The following MTSS1 variants were observed in gnomAD, a reference collection of about 807,000 sequenced individuals.
MTSS1 encodes the protein MTSS I-BAR domain containing 1, also known as protein MTSS 1.
A neutral mutation model predicts 79.0 loss-of-function variants in MTSS1; 18 were observed. The observed-to-expected ratio is 0.23, with a 90% CI of 0.16 to 0.34. The LOEUF (loss-of-function observed/expected upper bound fraction) is 0.34, where lower values mean the gene tolerates loss of function less well. Among genes scored for constraint, MTSS1 ranks in the 10% least tolerant of loss-of-function variants. MTSS1 has a pLI of 1.00. For synonymous variants in MTSS1, 341 were observed against 368.6 expected, an observed-to-expected ratio of 0.93 and a Z score of 0.86; for missense variants, 815 against 986.2, an observed-to-expected ratio of 0.83 and a Z score of 2.33.
intron 3 of MTSS1, among the ~76,000 whole-genome samples, chr8:124,602,207 A>ACACACACACACACACATATATATAT: frequency 2.1e-5 from 3 of 142,234 alleles, no homozygotes; most frequent in Admixed American, 6.9e-5. Flanking sequence ...ATATATATAT[A>ACACACACACACACACATATATATAT]ATTTTTTTTT....
At chr8:124,698,577 T>C (rs1264790292) in intron 3 of MTSS1, among the ~76,000 whole-genome samples, 3 of 149,746 alleles carry the variant, frequency 2.0e-5, no homozygotes, top group Non-Finnish European at 3.0e-5. Flanking sequence ...AGTGGCGCGA[T>C]CTGGGCTCAC....
intron 1 of MTSS1, among the ~76,000 whole-genome samples, chr8:124,716,044 G>A (rs910087976): frequency 2.0e-5 from 3 of 152,206 alleles, no homozygotes; most frequent in Non-Finnish European, 2.9e-5. Flanking sequence ...ACTGGGCCAT[G>A]AATGGGCACC....
chr8:124,670,665 C>T (rs1823986412), intron 3 of MTSS1, among the ~76,000 whole-genome samples: 1 of 152,318 alleles, frequency 6.6e-6, no homozygotes, highest in Middle Eastern at 3.4e-3. Flanking sequence ...CAAGAGCTTT[C>T]ATAACATCAT....
At chr8:124,684,597 T>G (rs1045911118) in intron 3 of MTSS1, among the ~76,000 whole-genome samples, 1 of 152,226 alleles carries the variant, frequency 6.6e-6, no homozygotes, top group East Asian at 1.9e-4. Context: ...ATATTTGACC[T>G]GCTACATGTA....
At chr8:124,680,620 C>A (rs11778149) in intron 3 of MTSS1, among the ~76,000 whole-genome samples, 24,125 of 152,198 alleles carry the variant, frequency 0.16, 2,129 homozygotes, top group East Asian at 0.38. Context: ...CCTGCTATAC[C>A]AATAGTATAG....
intron 3 of MTSS1, among the ~76,000 whole-genome samples, chr8:124,636,486 G>C (rs1225361302): frequency 2.6e-5 from 4 of 152,182 alleles, no homozygotes; most frequent in African/African-American, 9.7e-5. Flanking sequence ...TAAATACTAG[G>C]AAAATGTAAC....
At position 124,683,868 on chromosome 8, in the gene MTSS1, C is replaced by T. The variant is rs1352984545; in HGVS notation, c.208+15658G>A. Among the ~76,000 whole-genome samples, 1 of 152,186 alleles carries T rather than the reference C, an allele frequency of 6.6e-6. No individual in the cohort carries two copies. The highest frequency in any genetic ancestry group is 1.5e-5 in the Non-Finnish European group (1 of 68,040). The stretch of plus-strand genomic sequence containing the variant: ...GTGGTGAGGCCATAACAAGCCGGTA[C>T]CCACATGCGGTGGGGGCTCTGACAC... On this transcript the variant is annotated intron_variant, in intron 3 of 13. Transcript: ENST00000518547. This position sits in a 1 kb window ranked among gnomAD's most constrained non-coding sequence, Gnocchi z 4.5.
At chr8:124,720,750 TA>T (rs1212284790) in intron 1 of MTSS1, among the ~76,000 whole-genome samples, 2 of 152,228 alleles carry the variant, frequency 1.3e-5, no homozygotes, top group African/African-American at 4.8e-5. Flanking sequence ...TGGAGATAAT[TA>T]CTCCACTGAT....
intron 3 of MTSS1, among the ~76,000 whole-genome samples, chr8:124,609,708 C>T (rs1835457407): frequency 6.6e-6 from 1 of 152,222 alleles, no homozygotes; most frequent in African/African-American, 2.4e-5. Flanking sequence ...AGACAGCGAC[C>T]ACCTTGGAGG....
chr8:124,725,147 T>C (rs1833510673), intron 1 of MTSS1, among the ~76,000 whole-genome samples: 1 of 152,196 alleles, frequency 6.6e-6, no homozygotes, highest in African/African-American at 2.4e-5. Context: ...TTGCTTTACA[T>C]GGTGCTGTTC....
chr8:124,654,780 C>T (rs114280981), intron 3 of MTSS1, among the ~76,000 whole-genome samples: 2,078 of 152,204 alleles, frequency 0.014, 45 homozygotes, highest in African/African-American at 0.039. Context: ...ACGTTACAAG[C>T]AACGTGCACA....
At chr8:124,556,675 C>T in intron 11 of MTSS1, 1 of 483,854 alleles carries the variant, frequency 2.1e-6, no homozygotes. Context: ...GGAGACCCGG[C>T]AGCCACCTAA....
intron 3 of MTSS1, among the ~76,000 whole-genome samples, chr8:124,670,269 A>G (rs564483373): frequency 6.6e-6 from 1 of 152,256 alleles, no homozygotes; most frequent in South Asian, 2.1e-4. Context: ...AACCAAACAG[A>G]GGGAACAGCA....
intron 3 of MTSS1, among the ~76,000 whole-genome samples, chr8:124,672,434 C>T (rs1313667633): frequency 2.0e-5 from 3 of 151,014 alleles, no homozygotes; most frequent in Non-Finnish European, 2.9e-5. Context: ...ATGGAGGTTG[C>T]AGTGAGCCAA....
intron 3 of MTSS1, among the ~76,000 whole-genome samples, chr8:124,679,871 A>G (rs1563985659): frequency 6.6e-6 from 1 of 152,252 alleles, no homozygotes. Context: ...TGCATTGTAT[A>G]GGCTTTAATG....
intron 6 of MTSS1, chr8:124,577,669 T>C: frequency 1.9e-6 from 1 of 516,222 alleles, no homozygotes. Flanking sequence ...GGTCTGGCTG[T>C]GCCTACATTC....
rs151298009 is a variant in MTSS1 at position 124,697,619 on chromosome 8, A to G, written c.208+1907T>C. 7.6e-4 allele frequency among the ~76,000 whole-genome samples: 116 copies of G among 152,242 alleles called. 4 individuals are homozygous for G. In the South Asian group the frequency reaches 0.023, roughly 30 times the overall value. ...AACCCTATACTGATGGCTATTACAG[A>G]AAGATAAAAATATGGCTGCCAAGTC... On this transcript the variant is annotated intron_variant, in intron 3 of 13. Coordinates refer to ENST00000518547, the MANE Select transcript of MTSS1 (RefSeq NM_014751.6).
intron 11 of MTSS1, among the ~76,000 whole-genome samples, chr8:124,557,113 T>C (rs1027877290): frequency 6.6e-6 from 1 of 152,196 alleles, no homozygotes; most frequent in South Asian, 2.1e-4. Flanking sequence ...AAAGTTCGTC[T>C]TTATATTAAA....
chr8:124,625,523 C>T (rs1193616931), intron 3 of MTSS1, among the ~76,000 whole-genome samples: 1 of 152,128 alleles, frequency 6.6e-6, no homozygotes, highest in East Asian at 1.9e-4. Context: ...CGGACACAGA[C>T]GTTCAGTTCT....
Sources: allele counts gnomAD v4.1 joint callset (sites outside exome capture counted in the v4.1 genomes callset), GRCh38; gene constraint gnomAD v4.1.1; non-coding constraint Gnocchi (gnomAD v3.1); transcripts MANE v1.5; gene names NCBI Gene and HGNC (gene_info 2026-07-23, HGNC 2026-07-21).